Variants in OPCML observed in about 807,000 individuals in gnomAD.
OPCML encodes opioid-binding protein/cell adhesion molecule.
Under a neutral mutation model 37.8 loss-of-function variants are expected in OPCML, and 13 were observed. That is an observed-to-expected ratio of 0.34 (90% CI 0.22 to 0.55). OPCML has a LOEUF of 0.55. Ranked by LOEUF, OPCML falls within the 20% of genes least tolerant of loss-of-function variation. The probability of loss-of-function intolerance (pLI) is 0.91; values close to 1 mark genes in which losing one functional copy is unlikely to be tolerated. For missense variants in OPCML, 341 were observed against 435.6 expected (o/e 0.78, Z 1.93); for synonymous variants, 176 against 168.8 (o/e 1.04, Z -0.33).
At chr11:133,106,420 T>A (rs1367008915) in intron 1 of OPCML, among the ~76,000 whole-genome samples, 1 of 152,204 alleles carries the variant, frequency 6.6e-6, no homozygotes, top group Non-Finnish European at 1.5e-5. Flanking sequence ...CAACTAGAAA[T>A]AGTCCCAAAG....
intron 1 of OPCML, among the ~76,000 whole-genome samples, chr11:133,132,542 A>T (rs1949621343): frequency 6.6e-6 from 1 of 152,164 alleles, no homozygotes; most frequent in Non-Finnish European, 1.5e-5. Context: ...TACCCAAGAT[A>T]AATGAAGGTA....
intron 1 of OPCML, among the ~76,000 whole-genome samples, chr11:133,315,499 C>T (rs1943184468): frequency 6.6e-6 from 1 of 152,166 alleles, no homozygotes; most frequent in Middle Eastern, 3.2e-3. Flanking sequence ...CTAGAATAAG[C>T]ACATTAAAAC....
intron 1 of OPCML, among the ~76,000 whole-genome samples, chr11:132,974,265 C>T (rs1946408029): frequency 6.6e-6 from 1 of 152,092 alleles, no homozygotes; most frequent in Non-Finnish European, 1.5e-5. Context: ...TATTAGTTTC[C>T]TCCTCACTTC....
intron 1 of OPCML, among the ~76,000 whole-genome samples, chr11:133,163,821 C>T (rs73596457): frequency 0.015 from 2,234 of 152,298 alleles, 54 homozygotes; most frequent in African/African-American, 0.05. Context: ...AATGAGTAGG[C>T]GCCATTACTC....
intron 1 of OPCML, among the ~76,000 whole-genome samples, chr11:132,969,414 C>T (rs975373296): frequency 1.5e-4 from 23 of 152,086 alleles, no homozygotes; most frequent in African/African-American, 5.3e-4. Flanking sequence ...GATGTTTTCA[C>T]ATTTATCCTG....
At chr11:133,518,981 G>T (rs1044258284) in intron 1 of OPCML, among the ~76,000 whole-genome samples, 1 of 152,098 alleles carries the variant, frequency 6.6e-6, no homozygotes, top group Non-Finnish European at 1.5e-5. Context: ...GTCCCTGAAA[G>T]CCTCTCTCCT....
At chr11:133,140,687 T>G (rs199667977) in intron 1 of OPCML, among the ~76,000 whole-genome samples, 2 of 30,536 alleles carry the variant, frequency 6.5e-5, no homozygotes, top group African/African-American at 9.0e-5. Flanking sequence ...AGAAGAAAGA[T>G]GGAAGACGGA....
intron 1 of OPCML, among the ~76,000 whole-genome samples, chr11:133,341,106 T>C (rs529224122): frequency 6.6e-6 from 1 of 152,314 alleles, no homozygotes; most frequent in Non-Finnish European, 1.5e-5. Context: ...TGCGAGCTTC[T>C]TGTGGGACTC....
Position 133,208,423 on chromosome 11 carries a change from G to A in OPCML, c.62-265413C>T, listed in dbSNP as rs1404532271. On this transcript the variant is annotated intron_variant, in intron 1 of 7. Coordinates refer to ENST00000524381, the MANE Select transcript of OPCML (RefSeq NM_001012393.5). The surrounding 1 kb of genome is among the most constrained non-coding windows in gnomAD (Gnocchi z 8.9). ...TATAACTCTCTGGAGTTTACTCTGG[G>A]CGCAGGATGTGGTGCAGAGTAAATC... Among the ~76,000 whole-genome samples, 1 of 152,188 alleles carries A rather than the reference G, an allele frequency of 6.6e-6. No individual in the cohort carries two copies. The highest frequency in any genetic ancestry group is 1.5e-5 in the Non-Finnish European group (1 of 68,046).
chr11:132,701,802 G>T (rs1943832799), intron 2 of OPCML, among the ~76,000 whole-genome samples: 2 of 131,492 alleles, frequency 1.5e-5, no homozygotes, highest in African/African-American at 5.7e-5. Flanking sequence ...GTGTGGTGGT[G>T]GTGGGCGTGT....
At chr11:132,552,829 C>T (rs1168119972) in intron 3 of OPCML, among the ~76,000 whole-genome samples, 3 of 142,110 alleles carry the variant, frequency 2.1e-5, no homozygotes, top group Non-Finnish European at 4.5e-5. Context: ...TGCAGTGGCA[C>T]GATCTTGGCT....
chr11:132,595,232 T>G (rs2437830), intron 3 of OPCML, among the ~76,000 whole-genome samples: 42,825 of 151,756 alleles, frequency 0.28, 6,910 homozygotes, highest in East Asian at 0.63. Flanking sequence ...AAAGGCATAT[T>G]GAGAACATGA....
intron 1 of OPCML, among the ~76,000 whole-genome samples, chr11:132,962,910 C>T (rs1212784451): frequency 6.6e-6 from 1 of 152,226 alleles, no homozygotes; most frequent in African/African-American, 2.4e-5. Flanking sequence ...ACCAGCCTGC[C>T]TTCCCCCAGT....
At chr11:133,029,586 G>A (rs1169250473) in intron 1 of OPCML, among the ~76,000 whole-genome samples, 3 of 152,276 alleles carry the variant, frequency 2.0e-5, no homozygotes, top group South Asian at 4.1e-4. Context: ...GGATGCAGCT[G>A]GAGGCCATTC....
chr11:132,926,645 A>G (rs1945003569), intron 2 of OPCML, among the ~76,000 whole-genome samples: 1 of 152,100 alleles, frequency 6.6e-6, no homozygotes, highest in African/African-American at 2.4e-5. Context: ...CAAATGCCAA[A>G]TTTTCAACAT....
At chr11:133,461,578 A>G (rs76556898) in intron 1 of OPCML, among the ~76,000 whole-genome samples, 4,695 of 152,022 alleles carry the variant, frequency 0.031, 182 homozygotes, top group East Asian at 0.095. Flanking sequence ...TAAAATTAGT[A>G]AAACCAAGGA....
intron 3 of OPCML, among the ~76,000 whole-genome samples, chr11:132,634,628 C>T (rs1174211850): frequency 2.6e-5 from 4 of 151,998 alleles, no homozygotes; most frequent in East Asian, 1.9e-4. Context: ...GGGGTGTCCT[C>T]GCAGGAAGAG....
intron 2 of OPCML, among the ~76,000 whole-genome samples, chr11:132,813,941 A>G (rs1939488600): frequency 6.6e-6 from 1 of 152,220 alleles, no homozygotes; most frequent in Non-Finnish European, 1.5e-5. Flanking sequence ...TGCACTAATA[A>G]CACCTTTTCA....
At chr11:132,433,708 C>T (rs1340667664) in intron 7 of OPCML, among the ~76,000 whole-genome samples, 3 of 152,116 alleles carry the variant, frequency 2.0e-5, no homozygotes, top group Non-Finnish European at 4.4e-5. Flanking sequence ...GGACCCTGAT[C>T]CAATATAGTT....
Sources: allele counts gnomAD v4.1 joint callset (sites outside exome capture counted in the v4.1 genomes callset), GRCh38; gene constraint gnomAD v4.1.1; non-coding constraint Gnocchi (gnomAD v3.1); transcripts MANE v1.5; gene names NCBI Gene and HGNC (gene_info 2026-07-23, HGNC 2026-07-21).